SOX5: variants seen among roughly 807,000 people sequenced by gnomAD.
SOX5 encodes SRY-box transcription factor 5.
A neutral mutation model predicts 92.0 loss-of-function variants in SOX5; 9 were observed. The ratio of observed to expected loss-of-function variants is 0.10; its 90% CI spans 0.06 to 0.17. The LOEUF (loss-of-function observed/expected upper bound fraction) is 0.17, where lower values mean the gene tolerates loss of function less well. Ranked by LOEUF, SOX5 falls within the 10% of genes least tolerant of loss-of-function variation. SOX5 has a pLI of 1.00. For synonymous variants in SOX5, 344 were observed against 336.3 expected (o/e 1.02, Z -0.25); for missense variants, 642 against 944.5 (o/e 0.68, Z 4.20).
intron 8 of SOX5, among the ~76,000 whole-genome samples, chr12:23,608,754 T>C (rs939950308): frequency 6.6e-6 from 1 of 152,178 alleles, no homozygotes; most frequent in African/African-American, 2.4e-5. Context: ...AATCACATGA[T>C]GTGTACAAAA....
chr12:24,112,081 C>G (rs1185494376), intron 4 of SOX5, among the ~76,000 whole-genome samples: 1 of 152,148 alleles, frequency 6.6e-6, no homozygotes, highest in African/African-American at 2.4e-5. Flanking sequence ...GTTAATACCT[C>G]TAAAGTCATG....
intron 1 of SOX5, among the ~76,000 whole-genome samples, chr12:24,491,759 G>A (rs760286544): frequency 1.4e-4 from 21 of 152,164 alleles, no homozygotes; most frequent in Non-Finnish European, 1.8e-4. Flanking sequence ...TATGTATGTA[G>A]TGGAACTCAG....
chr12:23,534,037 G>GT lies in SOX5; in HGVS notation c.*181dup, dbSNP rs1452218586. 5 of 552,878 alleles carry GT rather than the reference G, an allele frequency of 9.0e-6. No homozygotes were observed. Among genetic ancestry groups the GT allele is most frequent in the South Asian group, 2.6e-5 (1 of 38,054 alleles). The allele number at this position is 552,878 out of a possible 1,614,324, so 34.2% of individuals were successfully genotyped here. On this transcript the variant is annotated 3_prime_UTR_variant, in exon 15 of 15. Coordinates refer to ENST00000451604, the MANE Select transcript of SOX5 (RefSeq NM_006940.6). Reference sequence around the variant, plus strand: ...ATATTGTTGTTTGCTTGTTGTATTTGTTTTTTCTTTCCAAGCCTTTTGAGG... The same window carrying GT: ...ATATTGTTGTTTGCTTGTTGTATTTGTTTTTTTCTTTCCAAGCCTTTTGAGG...
At chr12:23,883,927 C>A (rs2097030030) in intron 2 of SOX5, among the ~76,000 whole-genome samples, 1 of 152,082 alleles carries the variant, frequency 6.6e-6, no homozygotes, top group African/African-American at 2.4e-5. Context: ...CTTTCAATGA[C>A]AAGAGATTGA....
At chr12:24,133,016 T>C (rs1949792549) in intron 4 of SOX5, among the ~76,000 whole-genome samples, 1 of 152,090 alleles carries the variant, frequency 6.6e-6, no homozygotes, top group African/African-American at 2.4e-5. Context: ...TCCTTGGAGG[T>C]AAGATGATAA....
chr12:23,729,953 A>G (rs2093328435), intron 6 of SOX5, among the ~76,000 whole-genome samples: 1 of 152,114 alleles, frequency 6.6e-6, no homozygotes, highest in Non-Finnish European at 1.5e-5. Context: ...ACCCTGTCCC[A>G]CCAGAAGCTT....
intron 4 of SOX5, among the ~76,000 whole-genome samples, chr12:24,190,456 C>T (rs1956412852): frequency 6.6e-6 from 1 of 152,172 alleles, no homozygotes; most frequent in South Asian, 2.1e-4. Context: ...TCTTGGAAAG[C>T]CCTGTCCGAT....
At chr12:23,608,534 T>C (rs1592533581) in intron 8 of SOX5, among the ~76,000 whole-genome samples, 2 of 152,308 alleles carry the variant, frequency 1.3e-5, no homozygotes, top group South Asian at 2.1e-4. Flanking sequence ...CCTAGATTTT[T>C]GTCTCTTCAA....
rs1567782018 is a variant in SOX5 at position 23,790,543 on chromosome 12, A to ATCTC, written c.482-34823_482-34820dup. Reference sequence around the variant, plus strand: ...ACTCTCTCTCTCTCTCTCTCTCTCAATCTCTCACACACACACACACACACA... The same window carrying ATCTC: ...ACTCTCTCTCTCTCTCTCTCTCTCAATCTCTCTCTCACACACACACACACACACA... On this transcript the variant is annotated intron_variant, in intron 3 of 14. Coordinates refer to ENST00000451604, the MANE Select transcript of SOX5 (RefSeq NM_006940.6). 5.9e-3 allele frequency among the ~76,000 whole-genome samples: 287 copies of ATCTC among 48,776 alleles called. 2 individuals carry two copies. Among genetic ancestry groups the ATCTC allele is most frequent in the African/African-American group, 0.02 (221 of 11,062 alleles). 32.0% of individuals were successfully genotyped at this position (48,776 alleles called of 152,430 possible). A position where few individuals can be genotyped will look rare whatever the true frequency, so the allele number is the denominator to read the frequency against.
chr12:24,031,356 G>A (rs1340527641), intron 4 of SOX5, among the ~76,000 whole-genome samples: 4 of 151,536 alleles, frequency 2.6e-5, no homozygotes, highest in African/African-American at 9.7e-5. Flanking sequence ...TCTATACAGT[G>A]GAATATTATT....
At chr12:24,345,173 T>C (rs940049413) in intron 2 of SOX5, among the ~76,000 whole-genome samples, 3 of 152,216 alleles carry the variant, frequency 2.0e-5, no homozygotes, top group African/African-American at 4.8e-5. Flanking sequence ...ATATTAGACA[T>C]GGAAAACAAA....
At chr12:23,584,997 T>C (rs1323528005) in intron 9 of SOX5, among the ~76,000 whole-genome samples, 1 of 151,988 alleles carries the variant, frequency 6.6e-6, no homozygotes, top group Non-Finnish European at 1.5e-5. Context: ...TAGAAAAAAA[T>C]TTACTAGATA....
chr12:24,520,108 A>G (rs1950138950), intron 1 of SOX5, among the ~76,000 whole-genome samples: 1 of 152,004 alleles, frequency 6.6e-6, no homozygotes, highest in South Asian at 2.1e-4. Context: ...TCAAGCAGAG[A>G]TAAAAAGACT....
intron 2 of SOX5, among the ~76,000 whole-genome samples, chr12:24,367,214 A>G (rs1956263856): frequency 6.6e-6 from 1 of 152,172 alleles, no homozygotes; most frequent in African/African-American, 2.4e-5. Context: ...GGCTCTATAA[A>G]TGCCAAGAGT....
chr12:23,566,450 C>G (rs1947108278), intron 10 of SOX5, among the ~76,000 whole-genome samples: 1 of 152,224 alleles, frequency 6.6e-6, no homozygotes, highest in Non-Finnish European at 1.5e-5. Flanking sequence ...TGACCATCCT[C>G]TCTTTATTGA....
In SOX5 at chr12:24,185,456, T is replaced by G. The variant is rs964961943; in HGVS notation, c.-2+27887A>C. 4.6e-5 allele frequency among the ~76,000 whole-genome samples: 7 copies of G among 152,288 alleles called. No individual in the cohort carries two copies. In the South Asian group the frequency reaches 1.4e-3, roughly 32 times the overall value. On this transcript the variant is annotated intron_variant, in intron 4 of 4. Coordinates refer to the SOX5 transcript ENST00000446891. The stretch of plus-strand genomic sequence containing the variant: ...TCATAGCACTTACCACATTCTAATT[T>G]TATGTTTGTCCGTGTCACTATTTAT...
At chr12:24,307,183 C>T (rs1229994583) in intron 2 of SOX5, among the ~76,000 whole-genome samples, 1 of 152,172 alleles carries the variant, frequency 6.6e-6, no homozygotes, top group Non-Finnish European at 1.5e-5. Flanking sequence ...AACTTTCACA[C>T]ACGTCGTCTC....
intron 2 of SOX5, among the ~76,000 whole-genome samples, chr12:23,895,558 A>G (rs923506477): frequency 6.6e-6 from 1 of 152,188 alleles, no homozygotes; most frequent in Non-Finnish European, 1.5e-5. Flanking sequence ...CCCTCTAATT[A>G]AATTGTAAGT....
At chr12:24,557,941 A>G (rs1416598845) in intron 1 of SOX5, among the ~76,000 whole-genome samples, 7 of 152,198 alleles carry the variant, frequency 4.6e-5, no homozygotes, top group Non-Finnish European at 8.8e-5. Context: ...AATTTTGTCA[A>G]TATGCTGCCC....
Sources: gnomAD v4.1 joint callset for allele counts (sites outside exome capture counted in the v4.1 genomes callset) on GRCh38, gnomAD v4.1.1 for gene constraint, MANE v1.5 for transcripts, NCBI Gene and HGNC (gene_info 2026-07-23, HGNC 2026-07-21) for gene names.